Variants in MCF2L2 observed in about 807,000 individuals in gnomAD.
The protein encoded by MCF2L2 is MCF.2 cell line derived transforming sequence-like 2.
A neutral mutation model predicts 150.2 loss-of-function variants in MCF2L2; 102 were observed. The ratio of observed to expected loss-of-function variants is 0.68; its 90% CI spans 0.58 to 0.80. The LOEUF (loss-of-function observed/expected upper bound fraction) is 0.80, where lower values mean the gene tolerates loss of function less well. MCF2L2 is among the 30% of genes least tolerant of loss of function. MCF2L2 has a pLI of 0.00. For synonymous variants in MCF2L2, 465 were observed against 491.3 expected, an observed-to-expected ratio of 0.95 and a Z score of 0.71; for missense variants, 1,256 against 1,372.8, an observed-to-expected ratio of 0.91 and a Z score of 1.34.
chr3:183,420,386 G>A (rs1342395477), intron 1 of MCF2L2, among the ~76,000 whole-genome samples: 1 of 152,158 alleles, frequency 6.6e-6, no homozygotes, highest in Non-Finnish European at 1.5e-5. Context: ...TGGATCACAA[G>A]GTCAGGAGTT....
chr3:183,190,456 C>G (rs1344755155), intron 27 of MCF2L2, among the ~76,000 whole-genome samples: 1 of 152,232 alleles, frequency 6.6e-6, no homozygotes, highest in East Asian at 1.9e-4. Flanking sequence ...TGAAAAACGG[C>G]TTTCAGATGA....
At position 183,305,771 on chromosome 3, in the gene MCF2L2, C is replaced by A. The variant is rs1729066344; in HGVS notation, c.1113+3945G>T. ...GGCTGAGACAGAAGAATCGCTTGAACCCAGGAGGCGGAGGTTGCAGTGAGC... is the reference window on the plus strand; with the variant it reads ...GGCTGAGACAGAAGAATCGCTTGAAACCAGGAGGCGGAGGTTGCAGTGAGC... On this transcript the variant is annotated intron_variant, in intron 10 of 29. Coordinates refer to ENST00000328913, the MANE Select transcript of MCF2L2 (RefSeq NM_015078.4). This position sits in a 1 kb window ranked among gnomAD's most constrained non-coding sequence, Gnocchi z 4.1. Among the ~76,000 whole-genome samples the A allele has an allele frequency of 6.6e-6, 1 of 152,144 alleles. No individual in the cohort carries two copies.
At position 183,270,405 on chromosome 3, in the gene MCF2L2, CTGAT is replaced by C. The variant is rs777108603; in HGVS notation, c.1862+6463_1862+6466del. 7.4e-6 allele frequency: 12 copies of C among 1,614,062 alleles called. No individual in the cohort carries two copies. Among genetic ancestry groups the C allele is most frequent in the African/African-American group, 1.3e-5 (1 of 74,924 alleles). ...TGACATATTTATTCACATGCCAAAT[CTGAT>C]TGAGTACCTTCAAAGTTTAGAACAA... On this transcript the variant is annotated intron_variant, in intron 15 of 29. Transcript: ENST00000328913. The surrounding 1 kb of genome is among the most constrained non-coding windows in gnomAD (Gnocchi z 4.5).
intron 1 of MCF2L2, among the ~76,000 whole-genome samples, chr3:183,425,726 A>T (rs1174617655): frequency 6.6e-6 from 1 of 152,118 alleles, no homozygotes; most frequent in Non-Finnish European, 1.5e-5. Context: ...GCCAAGGCAG[A>T]CGGATCACCC....
chr3:183,360,995 A>G (rs539970150), intron 3 of MCF2L2, among the ~76,000 whole-genome samples: 25 of 131,552 alleles, frequency 1.9e-4, no homozygotes, highest in African/African-American at 8.9e-4. Context: ...AAAGAAAAGA[A>G]AAGAAAAGAA....
intron 3 of MCF2L2, among the ~76,000 whole-genome samples, chr3:183,371,623 A>G (rs1712888669): frequency 6.9e-6 from 1 of 145,780 alleles, no homozygotes; most frequent in South Asian, 2.2e-4. Context: ...TTATGCCACC[A>G]GGCCCAGATA....
rs1167693069 is a variant in MCF2L2, at chr3:183,305,068, A to T, written c.1113+4648T>A. On this transcript the variant is annotated intron_variant, in intron 10 of 29. Coordinates refer to ENST00000328913, the MANE Select transcript of MCF2L2 (RefSeq NM_015078.4). This position sits in a 1 kb window ranked among gnomAD's most constrained non-coding sequence, Gnocchi z 4.1. ...GCTTATTTCCTTAACTCTTCACAACAAACCCTTTGATACAGGTACTGTTTT... is the reference window on the plus strand; with the variant it reads ...GCTTATTTCCTTAACTCTTCACAACTAACCCTTTGATACAGGTACTGTTTT... 6.6e-6 allele frequency among the ~76,000 whole-genome samples: 1 copy of T among 152,128 alleles called. No individual in the cohort carries two copies. The highest frequency in any genetic ancestry group is 1.5e-5 in the Non-Finnish European group (1 of 68,012).
At position 183,305,258 on chromosome 3, in the gene MCF2L2, G is replaced by C. The variant is rs936153687; in HGVS notation, c.1113+4458C>G. The stretch of plus-strand genomic sequence containing the variant: ...CTAAACTTAGAGACCTCATTTGGTT[G>C]CTCGAACTTGTCTGACTTTAGTCAA... On this transcript the variant is annotated intron_variant, in intron 10 of 29. Transcript: ENST00000328913. This position sits in a 1 kb window ranked among gnomAD's most constrained non-coding sequence, Gnocchi z 4.1. Among the ~76,000 whole-genome samples the C allele has an allele frequency of 2.0e-5, 3 of 151,918 alleles. No homozygotes were observed. Among genetic ancestry groups the C allele is most frequent in the Non-Finnish European group, 2.9e-5 (2 of 68,000 alleles).
chr3:183,196,291 T>C (rs778817555), intron 25 of MCF2L2, among the ~76,000 whole-genome samples: 13 of 152,130 alleles, frequency 8.5e-5, no homozygotes, highest in Non-Finnish European at 1.8e-4. Flanking sequence ...CTCTCACCCA[T>C]GGCCCTAAGG....
intron 15 of MCF2L2, among the ~76,000 whole-genome samples, chr3:183,256,591 G>T (rs913306588): frequency 6.6e-6 from 1 of 152,196 alleles, no homozygotes; most frequent in Non-Finnish European, 1.5e-5. Flanking sequence ...TCTACCAAGT[G>T]TGTAGGCAAC....
intron 15 of MCF2L2, chr3:183,271,637 T>TTAAG (rs1462315681): frequency 6.0e-6 from 1 of 167,086 alleles, no homozygotes; most frequent in Non-Finnish European, 1.5e-5. Context: ...GGATTTTTTT[T>TTAAG]TAAGTATTAG....
intron 15 of MCF2L2, among the ~76,000 whole-genome samples, chr3:183,256,136 A>G (rs1560373487): frequency 6.6e-6 from 1 of 152,232 alleles, no homozygotes; most frequent in Non-Finnish European, 1.5e-5. Flanking sequence ...TTGAATTTTT[A>G]TAATACATTA....
chr3:183,190,206 G>A (rs967085908), intron 27 of MCF2L2, among the ~76,000 whole-genome samples: 80 of 152,300 alleles, frequency 5.3e-4, no homozygotes, highest in African/African-American at 1.9e-3. Context: ...ACCAGCTGGT[G>A]TGTCCCCATC....
chr3:183,423,639 T>G (rs936065455), intron 1 of MCF2L2, among the ~76,000 whole-genome samples: 11 of 141,612 alleles, frequency 7.8e-5, no homozygotes, highest in East Asian at 2.0e-4. Flanking sequence ...TTTGTTTTTT[T>G]TTTTTTTTTT....
intron 19 of MCF2L2, among the ~76,000 whole-genome samples, chr3:183,223,704 A>G (rs1360755243): frequency 6.6e-6 from 1 of 152,220 alleles, no homozygotes; most frequent in East Asian, 1.9e-4. Flanking sequence ...AAGCAAGTTC[A>G]CTAGAAGACA....
At chr3:183,221,991 G>A (rs573992558) in intron 20 of MCF2L2, among the ~76,000 whole-genome samples, 11 of 152,328 alleles carry the variant, frequency 7.2e-5, no homozygotes, top group Middle Eastern at 6.8e-3. Flanking sequence ...GGCTGAAACT[G>A]CTAATGGAAA....
chr3:183,335,986 C>T (rs1730463446), intron 5 of MCF2L2, among the ~76,000 whole-genome samples: 2 of 152,170 alleles, frequency 1.3e-5, no homozygotes, highest in Non-Finnish European at 2.9e-5. Context: ...AACAGCATGC[C>T]ATCTTGGAAG....
At chr3:183,350,721 G>A (rs1311010860) in intron 3 of MCF2L2, among the ~76,000 whole-genome samples, 1 of 152,048 alleles carries the variant, frequency 6.6e-6, no homozygotes, top group Non-Finnish European at 1.5e-5. Context: ...TGTCTAACAC[G>A]GTGAAACCCT....
Position 183,311,005 on chromosome 3 carries a change from T to A in MCF2L2, c.903A>T (p.Thr301=). 6.2e-7 allele frequency: 1 copy of A among 1,613,050 alleles called. No individual in the cohort carries two copies. Among genetic ancestry groups the A allele is most frequent in the Non-Finnish European group, 8.5e-7 (1 of 1,178,996 alleles). Residue 301 remains threonine (T), a synonymous_variant, in exon 9 of 30, where the codon ACA becomes ACT. Transcript: ENST00000328913. ...MERLLVQLDE[T]EKAFSHFWSE... is the part of the protein sequence containing the mutation. ...ACCAAAAGTGACTAAAGGCTTTTTCTGTTTCATCCAGTTGAACTAATAACC... is the reference window on the plus strand; with the variant it reads ...ACCAAAAGTGACTAAAGGCTTTTTCAGTTTCATCCAGTTGAACTAATAACC...
Sources: allele counts gnomAD v4.1 joint callset (sites outside exome capture counted in the v4.1 genomes callset), GRCh38; gene constraint gnomAD v4.1.1; non-coding constraint Gnocchi (gnomAD v3.1); transcripts MANE v1.5; gene names NCBI Gene and HGNC (gene_info 2026-07-23, HGNC 2026-07-21).